The following AKAP7 variants were observed in gnomAD, a reference collection of about 807,000 sequenced individuals.
The protein encoded by AKAP7 is A kinase (PRKA) anchor protein 7.
A neutral mutation model predicts 39.5 loss-of-function variants in AKAP7; 39 were observed. The observed-to-expected ratio is 0.99, with a 90% CI of 0.76 to 1.29. The LOEUF (loss-of-function observed/expected upper bound fraction) is 1.29. Among genes scored for constraint, AKAP7 ranks in the 50% most tolerant of loss-of-function variants. The probability of loss-of-function intolerance (pLI) is 0.00; values close to 1 mark genes in which losing one functional copy is unlikely to be tolerated. For missense variants in AKAP7, 414 were observed against 407.7 expected (o/e 1.02, Z -0.13); for synonymous variants, 140 against 139.1 (o/e 1.01, Z -0.05).
intron 5 of AKAP7, among the ~76,000 whole-genome samples, chr6:131,173,178 G>GT (rs1420755047): frequency 6.7e-6 from 1 of 149,544 alleles, no homozygotes; most frequent in African/African-American, 2.5e-5. Flanking sequence ...TCCAGCCTAG[G>GT]TGACAGAGCG....
At chr6:131,194,378 A>G (rs1180197166) in intron 5 of AKAP7, among the ~76,000 whole-genome samples, 1 of 152,030 alleles carries the variant, frequency 6.6e-6, no homozygotes, top group Non-Finnish European at 1.5e-5. Context: ...GTTTTCTTCC[A>G]CTGTGGGCAG....
chr6:131,130,941 A>T (rs189102409), upstream of AKAP7, among the ~76,000 whole-genome samples: 231 of 152,356 alleles, frequency 1.5e-3, 3 homozygotes, highest in Non-Finnish European at 4.1e-4. Flanking sequence ...AGAAAAAAAT[A>T]GAAATTAAAA....
intron 2 of AKAP7, among the ~76,000 whole-genome samples, chr6:131,146,223 G>C (rs1801475872): frequency 6.6e-6 from 1 of 152,162 alleles, no homozygotes; most frequent in South Asian, 2.1e-4. Context: ...TCATGTATTG[G>C]ATCAATTCAG....
intron 7 of AKAP7, among the ~76,000 whole-genome samples, chr6:131,237,923 T>C (rs934101713): frequency 4.6e-5 from 7 of 152,200 alleles, no homozygotes; most frequent in African/African-American, 9.6e-5. Flanking sequence ...TGCTCTGATC[T>C]TAGTTATTTC....
chr6:131,153,548 A>G (rs1802133322), intron 2 of AKAP7, among the ~76,000 whole-genome samples: 2 of 151,816 alleles, frequency 1.3e-5, no homozygotes, highest in African/African-American at 4.8e-5. Flanking sequence ...TTTTTTTGCA[A>G]AATGGATTTA....
chr6:131,157,948 C>T (rs1043702491), intron 2 of AKAP7, among the ~76,000 whole-genome samples: 3 of 152,152 alleles, frequency 2.0e-5, no homozygotes, highest in African/African-American at 4.8e-5. Context: ...TCTTAGTTTA[C>T]CCCATTTTGT....
At chr6:131,260,966 G>C (rs1195444363) in intron 7 of AKAP7, among the ~76,000 whole-genome samples, 1 of 152,148 alleles carries the variant, frequency 6.6e-6, no homozygotes, top group Admixed American at 6.5e-5. Context: ...GGAGGCCGAG[G>C]TGGGTGGATC....
chr6:131,204,016 C>T (rs563233256), intron 6 of AKAP7, among the ~76,000 whole-genome samples: 3 of 152,118 alleles, frequency 2.0e-5, no homozygotes, highest in African/African-American at 7.2e-5. Flanking sequence ...ATTTATACTC[C>T]CAACCGTGGT....
intron 6 of AKAP7, chr6:131,199,859 G>A (rs1807360232): frequency 2.7e-6 from 1 of 365,410 alleles, no homozygotes; most frequent in African/African-American, 2.2e-5. Context: ...AGAGCCTCGA[G>A]GTGGTGCCAG....
intron 2 of AKAP7, among the ~76,000 whole-genome samples, chr6:131,157,861 T>C (rs1478733364): frequency 6.6e-6 from 1 of 152,176 alleles, no homozygotes; most frequent in East Asian, 1.9e-4. Flanking sequence ...AGTGATGAAA[T>C]AGATGCACGA....
At chr6:131,183,658 C>T (rs2128259726) in intron 5 of AKAP7, among the ~76,000 whole-genome samples, 1 of 152,208 alleles carries the variant, frequency 6.6e-6, no homozygotes, top group East Asian at 1.9e-4. Context: ...GAGAGTGAGC[C>T]TGGAGAGCAC....
rs753373278 is a variant in AKAP7 at position 131,199,522 on chromosome 6, A to G, written c.651A>G (p.Lys217=). The part of the protein sequence containing the change: ...GILVGESRSF[K]PHLTFMKLSK... ...TGGTAGGAGAGAGCAGAAGTTTTAA[A>G]CCTCATTTGACCTTCATGAAGTTGT... The change falls in exon 6 of 8, where the codon AAA becomes AAG. Residue 217 remains lysine, a synonymous_variant. Coordinates refer to ENST00000431975, the MANE Select transcript of AKAP7 (RefSeq NM_016377.4). 1.2e-6 allele frequency: 2 copies of G among 1,611,768 alleles called. No homozygotes were observed. The highest frequency in any genetic ancestry group is 1.7e-6 in the Non-Finnish European group (2 of 1,178,270).
At chr6:131,196,319 G>A (rs1806928051) in intron 5 of AKAP7, among the ~76,000 whole-genome samples, 1 of 147,272 alleles carries the variant, frequency 6.8e-6, no homozygotes, top group African/African-American at 2.5e-5. Flanking sequence ...AGGCAGGAGT[G>A]CAATGGTGCA....
intron 7 of AKAP7, among the ~76,000 whole-genome samples, chr6:131,271,855 G>C (rs775842955): frequency 6.6e-6 from 1 of 152,166 alleles, no homozygotes; most frequent in Non-Finnish European, 1.5e-5. Context: ...AAAAATGGCA[G>C]TTACTTTGAA....
chr6:131,127,539 C>T, the AKAP7 span, among the ~76,000 whole-genome samples: 1 of 152,154 alleles, frequency 6.6e-6, no homozygotes, highest in African/African-American at 2.4e-5. Flanking sequence ...ATCATTAGAG[C>T]AAAGAAATAA....
At chr6:131,188,172 G>T (rs1034228419) in intron 5 of AKAP7, among the ~76,000 whole-genome samples, 44 of 152,300 alleles carry the variant, frequency 2.9e-4, no homozygotes, top group Admixed American at 2.9e-3. Flanking sequence ...ATCTATTTAA[G>T]ATGAGGACTA....
intron 5 of AKAP7, among the ~76,000 whole-genome samples, chr6:131,197,826 C>T (rs1807095664): frequency 6.6e-6 from 1 of 152,016 alleles, no homozygotes; most frequent in Non-Finnish European, 1.5e-5. Context: ...TGAGAAAAGA[C>T]AAGTTAAGAG....
rs762166997 is a variant in AKAP7, at chr6:131,165,077, T to G, written c.292-4T>G. On this transcript the variant is annotated splice_region_variant and splice_polypyrimidine_tract_variant and intron_variant, in intron 3 of 7. Transcript: ENST00000431975. ...TTTTTTTATATGTGTGTATGTGTTA[T>G]TAGATTATAAAAGGAATTAAGATCC... is the stretch of plus-strand genomic sequence containing the variant. 12 of 1,594,560 alleles carry G rather than the reference T, an allele frequency of 7.5e-6. 1 individual carries two copies. Among genetic ancestry groups the G allele is most frequent in the East Asian group, 2.2e-5 (1 of 44,640 alleles).
At chr6:131,244,467 G>T (rs1044218318) in intron 7 of AKAP7, among the ~76,000 whole-genome samples, 5 of 152,192 alleles carry the variant, frequency 3.3e-5, no homozygotes, top group African/African-American at 4.8e-5. Context: ...GCTGGGACTT[G>T]TCAGCCCATC....
Sources: gnomAD v4.1 joint callset for allele counts (sites outside exome capture counted in the v4.1 genomes callset) on GRCh38, gnomAD v4.1.1 for gene constraint, MANE v1.5 for transcripts, NCBI Gene and HGNC (gene_info 2026-07-23, HGNC 2026-07-21) for gene names.